Variants in SGCD observed in about 807,000 individuals in gnomAD.
The protein encoded by SGCD is delta-sarcoglycan.
SGCD carries 18 observed loss-of-function variants against 36.6 expected under a neutral mutation model. The observed-to-expected ratio is 0.49, with a 90% CI of 0.34 to 0.73. SGCD has a LOEUF of 0.73. Ranked by LOEUF, SGCD falls within the 30% of genes least tolerant of loss-of-function variation. The pLI is 0.01. For missense variants in SGCD, 387 were observed against 346.7 expected (o/e 1.12, Z -0.92); for synonymous variants, 133 against 130.6 (o/e 1.02, Z -0.12).
At chr5:156,315,438 C>T (rs1335427003) in intron 3 of SGCD, among the ~76,000 whole-genome samples, 2 of 151,848 alleles carry the variant, frequency 1.3e-5, no homozygotes, top group African/African-American at 4.8e-5. Flanking sequence ...GTATCAATCA[C>T]ATTTTCTTTA....
chr5:155,862,323 A>G, the SGCD span, among the ~76,000 whole-genome samples: 1 of 152,100 alleles, frequency 6.6e-6, no homozygotes, highest in African/African-American at 2.4e-5. Flanking sequence ...TATCAGAATT[A>G]GGATTTCGGT....
At chr5:155,830,802 T>G in the SGCD span, among the ~76,000 whole-genome samples, 1 of 152,234 alleles carries the variant, frequency 6.6e-6, no homozygotes, top group African/African-American at 2.4e-5. Context: ...GGGGGCCACA[T>G]AAGTTCTTCC....
At chr5:155,804,037 C>T in the SGCD span, among the ~76,000 whole-genome samples, 4 of 152,324 alleles carry the variant, frequency 2.6e-5, no homozygotes, top group Admixed American at 2.6e-4. Flanking sequence ...CCTGGACCAT[C>T]TTTGGCGGAG....
chr5:156,094,495 C>T (rs2127595100), intron 1 of SGCD, among the ~76,000 whole-genome samples: 1 of 152,170 alleles, frequency 6.6e-6, no homozygotes, highest in East Asian at 1.9e-4. Context: ...ATTCTCATTT[C>T]CCAGTCCTTT....
At chr5:156,721,342 TA>T (rs905644632) in intron 7 of SGCD, among the ~76,000 whole-genome samples, 51 of 152,128 alleles carry the variant, frequency 3.4e-4, no homozygotes, top group African/African-American at 1.2e-3. Flanking sequence ...AACCAGTATA[TA>T]AGTCTAATAA....
In SGCD at chr5:156,759,363, T is replaced by C. The variant is rs2113187047; in HGVS notation, c.846T>C (p.Cys282=). 2 of 1,611,618 alleles carry C rather than the reference T, an allele frequency of 1.2e-6. No homozygotes were observed. The highest frequency in any genetic ancestry group is 3.3e-5 in the Admixed American group (2 of 59,962). ...FLSQAGAGST[C]QINTSVCL is the part of the protein sequence containing the mutation. Reference sequence around the variant, plus strand: ...CTCAGGCAGGAGCTGGGTCCACTTGTCAGATAAACACAAGTGTCTGCCTCT... The same window carrying C: ...CTCAGGCAGGAGCTGGGTCCACTTGCCAGATAAACACAAGTGTCTGCCTCT... The change falls in exon 9 of 9, where the codon TGT becomes TGC. Residue 282 remains cysteine, a synonymous_variant. Coordinates refer to ENST00000337851, the MANE Select transcript of SGCD (RefSeq NM_000337.6).
At chr5:156,080,101 TAGGAGCCACCA>T (rs1258106334) in intron 1 of SGCD, among the ~76,000 whole-genome samples, 3 of 152,206 alleles carry the variant, frequency 2.0e-5, no homozygotes, top group Admixed American at 1.3e-4. Flanking sequence ...TAATACCACA[TAGGAGCCACCA>T]AGGCTTACAG....
At chr5:156,250,251 G>T (rs1765541753) in intron 3 of SGCD, among the ~76,000 whole-genome samples, 1 of 152,182 alleles carries the variant, frequency 6.6e-6, no homozygotes, top group Admixed American at 6.5e-5. Flanking sequence ...ATTTCCCAAA[G>T]ATAGCGAGGT....
intron 3 of SGCD, among the ~76,000 whole-genome samples, chr5:156,310,558 C>T (rs117146666): frequency 1.3e-5 from 2 of 152,262 alleles, no homozygotes; most frequent in East Asian, 3.9e-4. Context: ...TTCAACCCTC[C>T]CCTGGAAATA....
chr5:156,403,419 C>A (rs1772253104), intron 3 of SGCD, among the ~76,000 whole-genome samples: 1 of 152,202 alleles, frequency 6.6e-6, no homozygotes, highest in Admixed American at 6.5e-5. Context: ...CTCAACTCTG[C>A]TCCATATTGT....
chr5:156,319,112 C>T (rs527436209), intron 3 of SGCD, among the ~76,000 whole-genome samples: 2 of 152,282 alleles, frequency 1.3e-5, no homozygotes, highest in South Asian at 4.1e-4. Context: ...GTATCTATTA[C>T]ATCAGCACTC....
intron 1 of SGCD, among the ~76,000 whole-genome samples, chr5:156,015,621 A>G (rs578167863): frequency 1.3e-5 from 2 of 151,730 alleles, no homozygotes; most frequent in East Asian, 1.9e-4. Flanking sequence ...GTGTGTGTGT[A>G]TATATATGTA....
the SGCD span, among the ~76,000 whole-genome samples, chr5:155,831,453 T>C: frequency 9.9e-5 from 15 of 152,250 alleles, no homozygotes; most frequent in Non-Finnish European, 1.9e-4. Flanking sequence ...GAAATAATTG[T>C]CAGATTTTTA....
At chr5:156,558,292 C>T (rs1436271054) in intron 4 of SGCD, among the ~76,000 whole-genome samples, 1 of 151,560 alleles carries the variant, frequency 6.6e-6, no homozygotes, top group Non-Finnish European at 1.5e-5. Context: ...GCAATATTGC[C>T]TCCTTCCTCC....
At chr5:156,266,582 A>G (rs1766005040) in intron 3 of SGCD, among the ~76,000 whole-genome samples, 2 of 152,148 alleles carry the variant, frequency 1.3e-5, no homozygotes, top group Non-Finnish European at 2.9e-5. Context: ...TCCTGGGCTT[A>G]AGCTATCCTC....
At chr5:156,731,960 G>T (rs193228287) in intron 7 of SGCD, among the ~76,000 whole-genome samples, 2 of 152,182 alleles carry the variant, frequency 1.3e-5, no homozygotes, top group East Asian at 3.9e-4. Context: ...GGGCTTGACT[G>T]TTGTTGGTAC....
intron 3 of SGCD, among the ~76,000 whole-genome samples, chr5:156,274,898 T>C (rs867468522): frequency 6.6e-6 from 1 of 152,088 alleles, no homozygotes; most frequent in Non-Finnish European, 1.5e-5. Context: ...CAAACACCTA[T>C]AGCATGAGAG....
At chr5:156,061,348 G>A (rs1760202207) in intron 1 of SGCD, among the ~76,000 whole-genome samples, 1 of 145,944 alleles carries the variant, frequency 6.9e-6, no homozygotes, top group African/African-American at 2.5e-5. Flanking sequence ...GAGACAGGGA[G>A]TTAATTAAAT....
intron 1 of SGCD, among the ~76,000 whole-genome samples, chr5:155,987,790 C>CA (rs1171842924): frequency 6.6e-6 from 1 of 152,110 alleles, no homozygotes. Flanking sequence ...ATTTCTAGCT[C>CA]AAATGTCACT....
Sources: gnomAD v4.1 joint callset for allele counts (sites outside exome capture counted in the v4.1 genomes callset) on GRCh38, gnomAD v4.1.1 for gene constraint, MANE v1.5 for transcripts, NCBI Gene and HGNC (gene_info 2026-07-23, HGNC 2026-07-21) for gene names.